The following MYCBP2 variants were observed in gnomAD, a reference collection of about 807,000 sequenced individuals.
MYCBP2 encodes the protein MYC binding protein 2.
MYCBP2 carries 120 observed loss-of-function variants against 525.3 expected under a neutral mutation model. The ratio of observed to expected loss-of-function variants is 0.23; its 90% CI spans 0.20 to 0.27. The LOEUF is 0.27. Ranked by LOEUF, MYCBP2 falls within the 10% of genes least tolerant of loss-of-function variation. MYCBP2 has a pLI of 1.00. For synonymous variants in MYCBP2, 1,894 were observed against 1,955.8 expected (o/e 0.97, Z 0.83); for missense variants, 4,149 against 5,657.1 (o/e 0.73, Z 8.55).
At chr13:77,105,584 A>C (rs1294121436) in intron 55 of MYCBP2, among the ~76,000 whole-genome samples, 6 of 152,062 alleles carry the variant, frequency 3.9e-5, no homozygotes, top group African/African-American at 1.4e-4. Flanking sequence ...AAAGGGAAGC[A>C]ATCTATGAGA....
chr13:77,176,440 A>G lies in MYCBP2; in HGVS notation c.5472+57T>C, dbSNP rs564281398. On this transcript the variant is annotated intron_variant, in intron 36 of 82. Transcript: ENST00000544440. ...CAAAATTCATGGAATACTCTTCACT[A>G]TTTTAACTACATAATAATACCTCTT... 40 of 1,440,112 alleles carry G rather than the reference A, an allele frequency of 2.8e-5. No homozygotes were observed. The South Asian group carries it at 4.6e-4, about 17-fold the overall frequency. The allele number at this position is 1,440,112 out of a possible 1,614,324, so 89.2% of individuals were successfully genotyped here.
chr13:77,153,255 C>A (rs899140244), intron 46 of MYCBP2, among the ~76,000 whole-genome samples: 1 of 152,056 alleles, frequency 6.6e-6, no homozygotes. Context: ...GACAACAAAG[C>A]TAAAAAAGCA....
rs1248244351 is a variant in MYCBP2, at chr13:77,059,627, C to CTAGA, written c.13037-2_13037-1insTCTA. The CTAGA allele has an allele frequency of 6.2e-7, 1 of 1,611,624 alleles. No homozygotes were observed. Among genetic ancestry groups the CTAGA allele is most frequent in the Non-Finnish European group, 8.5e-7 (1 of 1,177,962 alleles). On this transcript the variant is annotated splice_acceptor_variant, in intron 76 of 82. Transcript: ENST00000544440. LOFTEE classifies it high-confidence loss of function. ...TCTGAGCTACTCGTGGTGGGTTTGC[C>CTAGA]TAGGTTCAAGCAGAAAAATAAAAAT...
chr13:77,201,290 C>G (rs2062510887), intron 26 of MYCBP2, among the ~76,000 whole-genome samples: 1 of 148,634 alleles, frequency 6.7e-6, no homozygotes, highest in Non-Finnish European at 1.5e-5. Context: ...TCAAAAGAGA[C>G]AAAGAAGGCC....
At chr13:77,286,789 AATATATATATATATATATATAT>A (rs1197559343) in intron 3 of MYCBP2, among the ~76,000 whole-genome samples, 9 of 42,290 alleles carry the variant, frequency 2.1e-4, no homozygotes, top group Admixed American at 1.7e-3. Flanking sequence ...AAAAAAAAAA[AATATATATATATATATATATAT>A]ATATATAGAC....
intron 21 of MYCBP2, among the ~76,000 whole-genome samples, chr13:77,213,245 T>C (rs1188173191): frequency 6.6e-6 from 1 of 152,040 alleles, no homozygotes; most frequent in Non-Finnish European, 1.5e-5. Flanking sequence ...GAGGCCGAGA[T>C]GGGAGGATCA....
In MYCBP2 at chr13:77,067,578, A is replaced by G; in HGVS notation, c.12455+3T>C. On this transcript the variant is annotated splice_donor_region_variant and intron_variant, in intron 71 of 82. Transcript: ENST00000544440. ...TGGTACTAAAATAGAGGCAATAACTAACCTGGAATTGAAAATCATCGGAAG... is the reference window on the plus strand; with the variant it reads ...TGGTACTAAAATAGAGGCAATAACTGACCTGGAATTGAAAATCATCGGAAG... The G allele has an allele frequency of 6.2e-7, 1 of 1,613,838 alleles. No individual in the cohort carries two copies. The highest frequency in any genetic ancestry group is 8.5e-7 in the Non-Finnish European group (1 of 1,179,724).
rs151240012 is a variant in MYCBP2 at position 77,170,404 on chromosome 13, G to A, written c.5795-690C>T. 6.1e-3 allele frequency among the ~76,000 whole-genome samples: 922 copies of A among 152,090 alleles called. 10 individuals are homozygous for A. The highest frequency in any genetic ancestry group is 0.02 in the African/African-American group (842 of 41,476). Reference sequence around the variant, plus strand: ...TATTCTCCCAAATACTGATTCCTAGGTCTGCTGTTATATCAAAACAGGCTG... The same window carrying A: ...TATTCTCCCAAATACTGATTCCTAGATCTGCTGTTATATCAAAACAGGCTG... On this transcript the variant is annotated intron_variant, in intron 38 of 82. Transcript: ENST00000544440.
Position 77,166,303 on chromosome 13 carries a change from TAAAAC to T in MYCBP2, c.6340+21_6340+25del, listed in dbSNP as rs748069525. The T allele has an allele frequency of 4.7e-6, 7 of 1,503,380 alleles. No individual in the cohort carries two copies. In the East Asian group the frequency reaches 1.6e-4, roughly 34 times the overall value. The allele number at this position is 1,503,380 out of a possible 1,614,324, so 93.1% of individuals were successfully genotyped here. On this transcript the variant is annotated intron_variant, in intron 41 of 82. Transcript: ENST00000544440. ...ACATAAATGCACTTATTTTACCACA[TAAAAC>T]AGAAGAAAAAAAAAACTTACCTGGC...
chr13:77,076,723 T>C, intron 68 of MYCBP2, 28 bp downstream of exon 68: 3 of 1,348,722 alleles, frequency 2.2e-6, no homozygotes, highest in Non-Finnish European at 3.1e-6. Context: ...AAAAGGGAAA[T>C]AAATATCTTT....
intron 27 of MYCBP2, among the ~76,000 whole-genome samples, chr13:77,192,463 G>A (rs2061377449): frequency 6.6e-6 from 1 of 152,152 alleles, no homozygotes; most frequent in Non-Finnish European, 1.5e-5. Context: ...TCTTCTAAAG[G>A]ATATAAACAA....
chr13:77,106,626 T>C (rs1250463900), intron 55 of MYCBP2, among the ~76,000 whole-genome samples: 1 of 152,154 alleles, frequency 6.6e-6, no homozygotes, highest in African/African-American at 2.4e-5. Flanking sequence ...CTTCTCATGT[T>C]GTTTAGTTCT....
Position 77,171,596 on chromosome 13 carries a change from C to T in MYCBP2, c.5690G>A (p.Ser1897Asn). 1 of 1,614,096 alleles carries T rather than the reference C, an allele frequency of 6.2e-7. No individual in the cohort carries two copies. The highest frequency in any genetic ancestry group is 8.5e-7 in the Non-Finnish European group (1 of 1,179,978). ...GTTTTTATCTTCTTCATTGGCTTTA[C>T]TCAGAAGTTGGGATTGTAAATCTCC... The part of the protein sequence containing the change: ...FDGDLQSQLL[S>N]KANEEDKNCS... The change falls in exon 38 of 83, where the codon AGT becomes AAT. Residue 1897 changes from serine to asparagine, a missense_variant. By Grantham distance (46) the Ser-to-Asn change is conservative. Around this residue, in one of 21 missense-constraint regions of MYCBP2, gnomAD observed 692 missense variants for 852.7 expected, o/e 0.81. Transcript: ENST00000544440.
At chr13:77,206,579 T>C in intron 24 of MYCBP2, 74 bp downstream of exon 24, 1 of 1,280,744 alleles carries the variant, frequency 7.8e-7, no homozygotes, top group Non-Finnish European at 1.0e-6. Flanking sequence ...ACATATAAAT[T>C]TAAATACTCT....
chr13:77,054,282 A>G (rs1421127751), intron 80 of MYCBP2, among the ~76,000 whole-genome samples: 1 of 152,158 alleles, frequency 6.6e-6, no homozygotes, highest in Non-Finnish European at 1.5e-5. Context: ...AATGCAAGTT[A>G]TTTGGTATGT....
intron 1 of MYCBP2, among the ~76,000 whole-genome samples, chr13:77,323,151 T>G (rs1335553134): frequency 6.6e-6 from 1 of 152,210 alleles, no homozygotes; most frequent in African/African-American, 2.4e-5. Context: ...TTCTACATAT[T>G]TAAAAAACTG....
chr13:77,055,150 A>C lies in MYCBP2; in HGVS notation c.13647+408T>G, dbSNP rs543515976. On this transcript the variant is annotated intron_variant, in intron 80 of 82. Coordinates refer to ENST00000544440, the MANE Select transcript of MYCBP2 (RefSeq NM_015057.5). ...GGTAGGTTAAAAAAAAAAAAAGAAG[A>C]AGTAGTTAAAGATAAATGACTAGAA... Among the ~76,000 whole-genome samples the C allele has an allele frequency of 2.2e-5, 3 of 139,186 alleles. No individual in the cohort carries two copies. The South Asian group carries it at 6.8e-4, about 31-fold the overall frequency. 91.3% of individuals were successfully genotyped at this position (139,186 alleles called of 152,430 possible).
At chr13:77,131,741 T>G (rs542226550) in intron 52 of MYCBP2, among the ~76,000 whole-genome samples, 1 of 152,214 alleles carries the variant, frequency 6.6e-6, no homozygotes, top group Non-Finnish European at 1.5e-5. Flanking sequence ...AAAATAACAT[T>G]TCATTCTCAA....
rs1412886731 is a variant in MYCBP2 at position 77,212,177 on chromosome 13, A to C, written c.3058-17T>G. 5 of 1,609,838 alleles carry C rather than the reference A, an allele frequency of 3.1e-6. No homozygotes were observed. The highest frequency in any genetic ancestry group is 4.2e-6 in the Non-Finnish European group (5 of 1,176,766). On this transcript the variant is annotated splice_polypyrimidine_tract_variant and intron_variant, in intron 21 of 82. Transcript: ENST00000544440. ...TTGTCCTTTCTAAAAGATTAAATAA[A>C]CCATATTAGCAATATTGCTGTGTAA...
Sources: allele counts gnomAD v4.1 joint callset (sites outside exome capture counted in the v4.1 genomes callset), GRCh38; gene constraint gnomAD v4.1.1; regional missense constraint gnomAD v4.1.1; transcripts MANE v1.5; gene names NCBI Gene and HGNC (gene_info 2026-07-23, HGNC 2026-07-21).